The following GULP1 variants were observed in gnomAD, a reference collection of about 807,000 sequenced individuals.
GULP1 encodes PTB domain-containing engulfment adapter protein 1.
A neutral mutation model predicts 40.9 loss-of-function variants in GULP1; 19 were observed. The ratio of observed to expected loss-of-function variants is 0.46; its 90% CI spans 0.32 to 0.68. The LOEUF is 0.68. GULP1 is among the 30% of genes least tolerant of loss of function. GULP1 has a pLI of 0.03. For missense variants in GULP1, 312 were observed against 362.2 expected (o/e 0.86, Z 1.12); for synonymous variants, 119 against 117.6 (o/e 1.01, Z -0.08).
chr2:188,365,611 G>A (rs2046677944), intron 1 of GULP1, among the ~76,000 whole-genome samples: 1 of 152,168 alleles, frequency 6.6e-6, no homozygotes, highest in South Asian at 2.1e-4. Flanking sequence ...CTACTGGGAA[G>A]GAATGTCTGC....
At chr2:188,461,180 A>G (rs1456813290) in intron 2 of GULP1, among the ~76,000 whole-genome samples, 8 of 152,152 alleles carry the variant, frequency 5.3e-5, no homozygotes, top group Admixed American at 5.2e-4. Context: ...CATAAAATGA[A>G]TTTGGAAGTA....
At chr2:188,448,576 A>G (rs955743575) in intron 2 of GULP1, among the ~76,000 whole-genome samples, 9 of 152,172 alleles carry the variant, frequency 5.9e-5, no homozygotes, top group Non-Finnish European at 1.5e-5. Context: ...AATATTTAGA[A>G]CTTACATTGG....
chr2:188,483,683 A>G lies in GULP1; in HGVS notation c.90+191A>G, dbSNP rs564917786. ...GAATAGTTTCTCTTTTTAAAAGTGT[A>G]TTATTTAAAATTACTGTTTTAGTCA... On this transcript the variant is annotated intron_variant, in intron 4 of 11. Transcript: ENST00000409830. Among the ~76,000 whole-genome samples, 5 of 152,194 alleles carry G rather than the reference A, an allele frequency of 3.3e-5. No individual in the cohort carries two copies. The South Asian group carries it at 8.3e-4, about 25-fold the overall frequency.
chr2:188,335,493 CT>C (rs897964363), intron 1 of GULP1, among the ~76,000 whole-genome samples: 1 of 152,116 alleles, frequency 6.6e-6, no homozygotes, highest in Non-Finnish European at 1.5e-5. Flanking sequence ...CTAAAAAGCC[CT>C]TGCTAATTAT....
At chr2:188,476,207 T>C (rs2060995742) in intron 2 of GULP1, among the ~76,000 whole-genome samples, 1 of 152,156 alleles carries the variant, frequency 6.6e-6, no homozygotes, top group Non-Finnish European at 1.5e-5. Flanking sequence ...GCTGCTTATG[T>C]TGACTCACAT....
intron 4 of GULP1, among the ~76,000 whole-genome samples, chr2:188,495,572 T>G (rs1469244833): frequency 6.6e-6 from 1 of 152,074 alleles, no homozygotes; most frequent in African/African-American, 2.4e-5. Flanking sequence ...GGGAAGGCTG[T>G]GTACTATAAG....
In GULP1 at chr2:188,524,532, T is replaced by C. The variant is rs193169886; in HGVS notation, c.162+1705T>C. Among the ~76,000 whole-genome samples the C allele has an allele frequency of 9.9e-5, 15 of 151,654 alleles. No individual in the cohort carries two copies. The East Asian group carries it at 2.7e-3, about 27-fold the overall frequency. ...ACATTTTGTATATCAGGAAAGTATA[T>C]CTAAGGGTAATGATTCATACACTAA... On this transcript the variant is annotated intron_variant, in intron 5 of 11. Transcript: ENST00000409830.
chr2:188,469,553 G>C (rs191702970), intron 2 of GULP1, among the ~76,000 whole-genome samples: 6 of 152,224 alleles, frequency 3.9e-5, no homozygotes, highest in Admixed American at 3.9e-4. Flanking sequence ...AGGCAAAGGG[G>C]GAGTGAGGCA....
intron 2 of GULP1, among the ~76,000 whole-genome samples, chr2:188,400,509 TG>T (rs953588162): frequency 2.0e-5 from 3 of 152,034 alleles, no homozygotes; most frequent in Non-Finnish European, 4.4e-5. Flanking sequence ...ACGAGGCTAG[TG>T]TAACAGATGG....
rs1574358151 is a variant in GULP1, at chr2:188,316,957, C to A, written c.-172+24791C>A. Among the ~76,000 whole-genome samples the A allele has an allele frequency of 2.6e-5, 4 of 152,274 alleles. No individual in the cohort carries two copies. In the Middle Eastern group the frequency reaches 0.01, roughly 388 times the overall value. On this transcript the variant is annotated intron_variant, in intron 1 of 11. Coordinates refer to ENST00000409830, the MANE Select transcript of GULP1 (RefSeq NM_016315.4). Reference sequence around the variant, plus strand: ...AAGAAAACATGCCTCCTTGAAAATGCTTATATTAAAATATGCCTTGGGAAG... The same window carrying A: ...AAGAAAACATGCCTCCTTGAAAATGATTATATTAAAATATGCCTTGGGAAG...
chr2:188,433,408 G>A (rs560021867), intron 2 of GULP1, among the ~76,000 whole-genome samples: 34 of 152,072 alleles, frequency 2.2e-4, no homozygotes, highest in Non-Finnish European at 4.3e-4. Context: ...ATGCAAAGAT[G>A]AGCTAATTGA....
intron 1 of GULP1, among the ~76,000 whole-genome samples, chr2:188,348,240 A>T (rs1036302149): frequency 6.6e-6 from 1 of 152,210 alleles, no homozygotes; most frequent in Admixed American, 6.5e-5. Context: ...TTTAAGAAAA[A>T]TTCTAAACAC....
In GULP1 at chr2:188,292,993, C is replaced by G. The variant is rs911778988; in HGVS notation, c.-172+827C>G. The stretch of plus-strand genomic sequence containing the variant: ...TTCTGAGGCTCCTGCGGCTGCCGCG[C>G]TGACTTCCCTGTGTGCGGGAGGGAA... On this transcript the variant is annotated intron_variant, in intron 1 of 11. Coordinates refer to ENST00000409830, the MANE Select transcript of GULP1 (RefSeq NM_016315.4). This position sits in a 1 kb window ranked among gnomAD's most constrained non-coding sequence, Gnocchi z 4.0. 9.2e-5 allele frequency: 14 copies of G among 152,536 alleles called. No individual in the cohort carries two copies. Among genetic ancestry groups the G allele is most frequent in the African/African-American group, 3.1e-4 (13 of 41,578 alleles). 9.4% of individuals were successfully genotyped at this position (152,536 alleles called of 1,614,324 possible).
intron 2 of GULP1, among the ~76,000 whole-genome samples, chr2:188,408,160 C>T (rs544793967): frequency 1.4e-4 from 22 of 152,150 alleles, no homozygotes; most frequent in East Asian, 5.8e-4. Flanking sequence ...GAAGAGAGAC[C>T]GGAGCTAACA....
intron 1 of GULP1, among the ~76,000 whole-genome samples, chr2:188,327,287 A>C (rs1574438925): frequency 6.6e-6 from 1 of 152,170 alleles, no homozygotes; most frequent in East Asian, 1.9e-4. Flanking sequence ...TCTTTGTTTC[A>C]CAAGTTTTCA....
chr2:188,558,023 G>T (rs1260444295), intron 7 of GULP1, among the ~76,000 whole-genome samples: 1 of 152,120 alleles, frequency 6.6e-6, no homozygotes, highest in Non-Finnish European at 1.5e-5. Context: ...TGCTGCAAAG[G>T]TCTCTGAAAT....
At chr2:188,346,985 T>A (rs937962044) in intron 1 of GULP1, among the ~76,000 whole-genome samples, 2 of 150,198 alleles carry the variant, frequency 1.3e-5, no homozygotes, top group African/African-American at 4.9e-5. Context: ...AAAAAAAAAA[T>A]TGTTTTGCTT....
chr2:188,358,251 C>T lies in GULP1; in HGVS notation c.-171-25512C>T, dbSNP rs144844185. On this transcript the variant is annotated intron_variant, in intron 1 of 11. Coordinates refer to ENST00000409830, the MANE Select transcript of GULP1 (RefSeq NM_016315.4). ...TAAGCCAGGCCCAGAAAGATAAATA[C>T]TGCATGTTTTCACTTATACTCGGAA... Among the ~76,000 whole-genome samples, 120 of 152,206 alleles carry T rather than the reference C, an allele frequency of 7.9e-4. 1 individual carries two copies. Among genetic ancestry groups the T allele is most frequent in the African/African-American group, 2.7e-3 (114 of 41,534 alleles).
intron 1 of GULP1, among the ~76,000 whole-genome samples, chr2:188,301,076 G>A (rs1042322540): frequency 6.6e-6 from 1 of 152,110 alleles, no homozygotes; most frequent in Admixed American, 6.6e-5. Context: ...GTGCACTGGT[G>A]CAATCATAGC....
Sources: gnomAD v4.1 joint callset for allele counts (sites outside exome capture counted in the v4.1 genomes callset) on GRCh38, gnomAD v4.1.1 for gene constraint, Gnocchi (gnomAD v3.1) non-coding constraint, MANE v1.5 for transcripts, NCBI Gene and HGNC (gene_info 2026-07-23, HGNC 2026-07-21) for gene names.